ACTR2: variants seen among roughly 807,000 people sequenced by gnomAD.
ACTR2 encodes actin related protein 2.
ACTR2 carries 5 observed loss-of-function variants against 50.2 expected under a neutral mutation model. That is an observed-to-expected ratio of 0.10 (90% CI 0.05 to 0.21). The LOEUF is 0.21. ACTR2 is among the 10% of genes least tolerant of loss of function. The probability of loss-of-function intolerance (pLI) is 1.00; values close to 1 mark genes in which losing one functional copy is unlikely to be tolerated. For synonymous variants in ACTR2, 140 were observed against 162.9 expected, an observed-to-expected ratio of 0.86 and a Z score of 1.07; for missense variants, 180 against 480.6, an observed-to-expected ratio of 0.37 and a Z score of 5.85.
At chr2:65,235,685 G>A (rs1308687401) in intron 1 of ACTR2, among the ~76,000 whole-genome samples, 1 of 152,040 alleles carries the variant, frequency 6.6e-6, no homozygotes, top group Non-Finnish European at 1.5e-5. Flanking sequence ...AACCCAGGAG[G>A]CAGAGGTTGC....
At chr2:65,245,931 G>GGT (rs1375696475) in intron 2 of ACTR2, among the ~76,000 whole-genome samples, 2 of 152,108 alleles carry the variant, frequency 1.3e-5, no homozygotes, top group Non-Finnish European at 2.9e-5. Flanking sequence ...CATTCACCTT[G>GGT]GTGAGGCATA....
chr2:65,254,727 C>T (rs1479616204), intron 5 of ACTR2, among the ~76,000 whole-genome samples: 2 of 152,166 alleles, frequency 1.3e-5, no homozygotes, highest in Non-Finnish European at 2.9e-5. Flanking sequence ...GTCAGTGGTG[C>T]TGCTATTAAG....
At chr2:65,252,550 C>T (rs551583559) in intron 4 of ACTR2, among the ~76,000 whole-genome samples, 5 of 151,696 alleles carry the variant, frequency 3.3e-5, no homozygotes, top group African/African-American at 9.7e-5. Flanking sequence ...GAGGCTGAGG[C>T]GGGAGAATCG....
At chr2:65,249,306 T>G (rs1014774073) in intron 3 of ACTR2, among the ~76,000 whole-genome samples, 2 of 152,346 alleles carry the variant, frequency 1.3e-5, no homozygotes. Flanking sequence ...ACTCAGTTTT[T>G]GTATTAAGTG....
chr2:65,249,189 ACT>A (rs1671997674), intron 3 of ACTR2, among the ~76,000 whole-genome samples: 1 of 152,162 alleles, frequency 6.6e-6, no homozygotes, highest in African/African-American at 2.4e-5. Flanking sequence ...CTTTCCAGTT[ACT>A]GTTTAATGTA....
chr2:65,234,018 C>T (rs1418215905), intron 1 of ACTR2, among the ~76,000 whole-genome samples: 4 of 152,032 alleles, frequency 2.6e-5, no homozygotes, highest in African/African-American at 9.7e-5. Context: ...TCAGGTGATC[C>T]TCCCACCTCA....
intron 2 of ACTR2, among the ~76,000 whole-genome samples, chr2:65,242,363 A>G (rs1671854925): frequency 6.6e-6 from 1 of 152,182 alleles, no homozygotes; most frequent in South Asian, 2.1e-4. Flanking sequence ...GTTGTGCATA[A>G]TATTAGAAAC....
At chr2:65,246,496 G>T in intron 2 of ACTR2, 28 bp from the exon 3 acceptor site, 1 of 1,476,294 alleles carries the variant, frequency 6.8e-7, no homozygotes, top group African/African-American at 1.4e-5. Context: ...GCAAAACTTT[G>T]ATCTACAGCT....
chr2:65,249,541 A>G (rs1274604516), intron 3 of ACTR2, among the ~76,000 whole-genome samples: 1 of 152,246 alleles, frequency 6.6e-6, no homozygotes, highest in African/African-American at 2.4e-5. Flanking sequence ...AATACTATTC[A>G]GACTATCTAA....
intron 3 of ACTR2, among the ~76,000 whole-genome samples, chr2:65,247,688 A>T (rs777946404): frequency 5.3e-5 from 8 of 152,222 alleles, no homozygotes; most frequent in Non-Finnish European, 1.2e-4. Context: ...CACACCGACG[A>T]AGAAGAGGAG....
chr2:65,251,056 T>C lies in ACTR2; in HGVS notation c.405T>C (p.Gly135=), dbSNP rs565873002. The C allele has an allele frequency of 2.5e-6, 4 of 1,608,132 alleles. No homozygotes were observed. Among genetic ancestry groups the C allele is most frequent in the Admixed American group, 1.7e-5 (1 of 59,096 alleles). Residue 135 remains glycine, a synonymous_variant, in exon 4 of 9, where the codon GGT becomes GGC. Coordinates refer to ENST00000260641, the MANE Select transcript of ACTR2 (RefSeq NM_005722.4). ...EVMFETYQFS[G]VYVAIQAVLT... is the part of the protein sequence containing the mutation. Reference sequence around the variant, plus strand: ...TGTTTGAAACTTACCAGTTTTCCGGTGTATATGTAGCCATCCAGGCAGTTC... The same window carrying C: ...TGTTTGAAACTTACCAGTTTTCCGGCGTATATGTAGCCATCCAGGCAGTTC...
chr2:65,266,492 G>A (rs1412573538), intron 8 of ACTR2, among the ~76,000 whole-genome samples: 1 of 152,130 alleles, frequency 6.6e-6, no homozygotes, highest in East Asian at 1.9e-4. Context: ...TAGCAGGAGG[G>A]CAGGTCTTGT....
chr2:65,238,801 C>A (rs1254281670), intron 1 of ACTR2, among the ~76,000 whole-genome samples: 1 of 151,656 alleles, frequency 6.6e-6, no homozygotes. Flanking sequence ...AACCCTGTCT[C>A]TACTAAAAAT....
At chr2:65,229,198 G>A (rs1671589572) in intron 1 of ACTR2, among the ~76,000 whole-genome samples, 1 of 152,096 alleles carries the variant, frequency 6.6e-6, no homozygotes, top group East Asian at 1.9e-4. Context: ...TATTCTGGAT[G>A]ACTTCTATAG....
chr2:65,267,497 T>C (rs1672395009), intron 8 of ACTR2, among the ~76,000 whole-genome samples: 1 of 152,214 alleles, frequency 6.6e-6, no homozygotes, highest in Admixed American at 6.5e-5. Flanking sequence ...CATAGTTACA[T>C]TGGGTCTTTT....
intron 4 of ACTR2, among the ~76,000 whole-genome samples, chr2:65,253,229 C>T (rs1157269323): frequency 2.6e-5 from 4 of 152,108 alleles, no homozygotes; most frequent in African/African-American, 4.8e-5. Flanking sequence ...CACTTGAGGC[C>T]AGGAGTTCGA....
At chr2:65,267,997 C>T (rs192928771) in intron 8 of ACTR2, among the ~76,000 whole-genome samples, 207 of 150,312 alleles carry the variant, frequency 1.4e-3, no homozygotes, top group Middle Eastern at 0.01. Flanking sequence ...CTACCATGCC[C>T]GGCTAATTTT....
chr2:65,253,711 C>G lies in ACTR2; in HGVS notation c.449-17C>G, dbSNP rs771887992. ...CTGATTTGACTTTTTATTTAAATCCCCCTGGCTTTTATGCAGGTTTATTGA... is the reference window on the plus strand; with the variant it reads ...CTGATTTGACTTTTTATTTAAATCCGCCTGGCTTTTATGCAGGTTTATTGA... On this transcript the variant is annotated splice_polypyrimidine_tract_variant and intron_variant, in intron 4 of 8. Transcript: ENST00000260641. The G allele has an allele frequency of 1.9e-6, 3 of 1,606,474 alleles. No individual in the cohort carries two copies. The East Asian group carries it at 6.7e-5, about 36-fold the overall frequency.
chr2:65,236,335 C>CAA (rs557739010), intron 1 of ACTR2, among the ~76,000 whole-genome samples: 23 of 110,360 alleles, frequency 2.1e-4, no homozygotes, highest in Admixed American at 8.8e-4. Context: ...GACTCCATCT[C>CAA]AAAAAAAAAA....
Sources: allele counts gnomAD v4.1 joint callset (sites outside exome capture counted in the v4.1 genomes callset), GRCh38; gene constraint gnomAD v4.1.1; transcripts MANE v1.5; gene names NCBI Gene and HGNC (gene_info 2026-07-23, HGNC 2026-07-21).